Variants in PMFBP1 observed in about 807,000 individuals in gnomAD.
The protein encoded by PMFBP1 is polyamine modulated factor 1 binding protein 1, also known as polyamine-modulated factor 1-binding protein 1.
In PMFBP1, 131 loss-of-function variants were observed where a neutral mutation model predicts 137.8. The ratio of observed to expected loss-of-function variants is 0.95; its 90% CI spans 0.82 to 1.10. The LOEUF is 1.10. PMFBP1 is among the 50% of genes least tolerant of loss of function. The pLI is 0.00. For missense variants in PMFBP1, 1,199 were observed against 1,175.4 expected (o/e 1.02, Z -0.29); for synonymous variants, 490 against 450.4 (o/e 1.09, Z -1.11).
intron 19 of PMFBP1, 140 bp from the exon 20 acceptor site, chr16:72,120,229 C>T (rs112782934): frequency 7.2e-7 from 1 of 1,396,910 alleles, no homozygotes; most frequent in African/African-American, 1.4e-5. Flanking sequence ...GTTACACATG[C>T]TCTGTAGAAA....
chr16:72,154,493 T>C (rs563811283), intron 3 of PMFBP1, 34 bp from the exon 4 acceptor site: 2 of 1,604,734 alleles, frequency 1.2e-6, no homozygotes, highest in South Asian at 1.1e-5. Context: ...AAAAAGGCTT[T>C]AGATCATCAC....
chr16:72,167,397 A>G (rs2144514910), intron 2 of PMFBP1, among the ~76,000 whole-genome samples: 1 of 152,134 alleles, frequency 6.6e-6, no homozygotes, highest in Middle Eastern at 3.4e-3. Flanking sequence ...TCTTGCTCCT[A>G]TCTTTTGTTC....
chr16:72,183,886 T>C, the PMFBP1 span, among the ~76,000 whole-genome samples: 2 of 152,122 alleles, frequency 1.3e-5, no homozygotes, highest in Non-Finnish European at 2.9e-5. Flanking sequence ...CATATTCACC[T>C]TGTCACCCCT....
intron 1 of PMFBP1, chr16:72,171,470 C>A (rs1567644990): frequency 4.2e-6 from 2 of 476,350 alleles, no homozygotes; most frequent in Non-Finnish European, 7.5e-6. Flanking sequence ...GGTTTTACAT[C>A]TTTTCCAGAA....
At chr16:72,133,615 G>C (rs768154486) in intron 9 of PMFBP1, among the ~76,000 whole-genome samples, 1 of 152,156 alleles carries the variant, frequency 6.6e-6, no homozygotes, top group Non-Finnish European at 1.5e-5. Flanking sequence ...CAGTCTCCCT[G>C]TTACAGCAGG....
chr16:72,121,635 G>A (rs566093948), intron 19 of PMFBP1, among the ~76,000 whole-genome samples: 2 of 152,240 alleles, frequency 1.3e-5, no homozygotes, highest in Admixed American at 6.5e-5. Context: ...TACTTTCATC[G>A]TTTTTTAGAG....
At chr16:72,180,027 C>T (rs1469651528), upstream of PMFBP1, among the ~76,000 whole-genome samples, 1 of 152,184 alleles carries the variant, frequency 6.6e-6, no homozygotes, top group Non-Finnish European at 1.5e-5. Flanking sequence ...CCAGTCTGTC[C>T]ACTAGTTCCC....
the PMFBP1 span, among the ~76,000 whole-genome samples, chr16:72,217,910 G>T: frequency 6.6e-6 from 1 of 152,174 alleles, no homozygotes; most frequent in African/African-American, 2.4e-5. Flanking sequence ...TATAGTGTTT[G>T]CCTGTTTCCA....
At position 72,119,351 on chromosome 16, in the gene PMFBP1, G is replaced by A. The variant is rs760840596; in HGVS notation, c.3011C>T (p.Ser1004Phe). The A allele has an allele frequency of 2.5e-6, 4 of 1,614,162 alleles. No individual in the cohort carries two copies. The highest frequency in any genetic ancestry group is 3.4e-6 in the Non-Finnish European group (4 of 1,179,990). ...TAGATGTGGATTCTAGCAGTATGAG[G>A]AACCTGAGGGAACAGGGAGGAAATG... ...KYIGMPHCPG[S>F]SYC The change falls in exon 21 of 21, where the codon TCC becomes TTC. Residue 1004 changes from serine to phenylalanine, a missense_variant. By Grantham distance (155) the Ser-to-Phe change is radical. Transcript: ENST00000237353.
At chr16:72,239,955 C>T in the PMFBP1 span, among the ~76,000 whole-genome samples, 1 of 141,580 alleles carries the variant, frequency 7.1e-6, no homozygotes, top group South Asian at 2.2e-4. Flanking sequence ...GTGAAGAAAA[C>T]CCATGAGGTT....
the PMFBP1 span, among the ~76,000 whole-genome samples, chr16:72,227,590 G>A: frequency 6.6e-6 from 1 of 152,056 alleles, no homozygotes; most frequent in African/African-American, 2.4e-5. Flanking sequence ...TAAAGTCTTT[G>A]AAAATATGAT....
At chr16:72,249,920 C>CAAAAAAAA in the PMFBP1 span, among the ~76,000 whole-genome samples, 10 of 30,094 alleles carry the variant, frequency 3.3e-4, no homozygotes, top group Admixed American at 1.6e-3. Context: ...GACTCCATCG[C>CAAAAAAAA]AAAAAAAAAA....
At chr16:72,139,575 C>T (rs1285058152) in intron 6 of PMFBP1, among the ~76,000 whole-genome samples, 176 bp from the exon 7 acceptor site, 1 of 152,204 alleles carries the variant, frequency 6.6e-6, no homozygotes, top group Non-Finnish European at 1.5e-5. Context: ...CATCTTACAT[C>T]AAGATTCTCT....
chr16:72,135,362 T>G lies in PMFBP1; in HGVS notation c.1203+1086A>C, dbSNP rs56215253. Among the ~76,000 whole-genome samples, 1,038 of 126,032 alleles carry G rather than the reference T, an allele frequency of 8.2e-3. 5 individuals are homozygous for G. The highest frequency in any genetic ancestry group is 0.018 in the Admixed American group (229 of 12,844). The allele number at this position is 126,032 out of a possible 152,430, so 82.7% of individuals were successfully genotyped here. On this transcript the variant is annotated intron_variant, in intron 9 of 20. Coordinates refer to ENST00000237353, the MANE Select transcript of PMFBP1 (RefSeq NM_031293.3). ...GGCTAATTTTGTGTGTGTGTGTGTT[T>G]TTTTTTTTTTTTTTTTGTTGTTGTT... is the stretch of plus-strand genomic sequence containing the variant.
chr16:72,130,428 A>G lies in PMFBP1; in HGVS notation c.1638-71T>C, dbSNP rs144296188. 4.7e-4 allele frequency: 749 copies of G among 1,608,576 alleles called. 4 individuals carry two copies. The highest frequency in any genetic ancestry group is 3.9e-3 in the African/African-American group (290 of 74,800). On this transcript the variant is annotated intron_variant, in intron 11 of 20. Transcript: ENST00000237353. The stretch of plus-strand genomic sequence containing the variant: ...GTGGGCAGATTGTGGAGCTGACCCA[A>G]TGGGAAATCCTTGCTCTCCCACGCC...
rs150086220 is a variant in PMFBP1, at chr16:72,124,788, G to A, written c.2568C>T (p.Asn856=). 1.2e-6 allele frequency: 2 copies of A among 1,614,076 alleles called. No homozygotes were observed. The highest frequency in any genetic ancestry group is 3.3e-5 in the Admixed American group (2 of 60,020). The change falls in exon 17 of 21, where the codon AAC becomes AAT. Residue 856 remains asparagine, a synonymous_variant. Transcript: ENST00000237353. ...CCACCTCCTTATCGTCCTCAAGGAG[G>A]TTCTCTTTTAAGGCGGCCATCTCCT... The part of the protein sequence containing the change: ...FQEEMAALKE[N]LLEDDKEPCC...
chr16:72,145,669 T>C (rs56960650), intron 5 of PMFBP1, among the ~76,000 whole-genome samples: 13,668 of 152,086 alleles, frequency 0.09, 1,042 homozygotes, highest in South Asian at 0.38. Flanking sequence ...AAGAATCAAA[T>C]AGATGCAATA....
At chr16:72,225,104 C>T in the PMFBP1 span, 1 of 152,218 alleles carries the variant, frequency 6.6e-6, no homozygotes, top group Non-Finnish European at 1.5e-5. Flanking sequence ...ACCTCCCCAA[C>T]TTCTGGTCCA....
In PMFBP1 at chr16:72,119,291, T is replaced by C. The variant is rs1303306411; in HGVS notation, c.*47A>G. 1 of 1,593,932 alleles carries C rather than the reference T, an allele frequency of 6.3e-7. No individual in the cohort carries two copies. Among genetic ancestry groups the C allele is most frequent in the South Asian group, 1.1e-5 (1 of 90,638 alleles). On this transcript the variant is annotated 3_prime_UTR_variant, in exon 21 of 21. Transcript: ENST00000237353. ...AGGGAGGGCTGGGAACTCACTGTCC[T>C]CTGAAGAAACACCCGTGGAAATGCT...
Sources: gnomAD v4.1 joint callset for allele counts (sites outside exome capture counted in the v4.1 genomes callset) on GRCh38, gnomAD v4.1.1 for gene constraint, MANE v1.5 for transcripts, NCBI Gene and HGNC (gene_info 2026-07-23, HGNC 2026-07-21) for gene names.